The following SLC49A3 variants were observed in gnomAD, a reference collection of about 807,000 sequenced individuals.
SLC49A3 encodes solute carrier family 49 member 3, also known as solute carrier family 49 member A3.
SLC49A3 carries 50 observed loss-of-function variants against 43.8 expected under a neutral mutation model. That is an observed-to-expected ratio of 1.14 (90% CI 0.91 to 1.45). The LOEUF (loss-of-function observed/expected upper bound fraction) is 1.45, where lower values mean the gene tolerates loss of function less well. Ranked by LOEUF, SLC49A3 falls within the 40% of genes most tolerant of loss-of-function variation. The pLI, the probability that SLC49A3 is intolerant of heterozygous loss-of-function variation, is 0.00. For synonymous variants in SLC49A3, 413 were observed against 352.0 expected, an observed-to-expected ratio of 1.17 and a Z score of -1.94; for missense variants, 906 against 774.1, an observed-to-expected ratio of 1.17 and a Z score of -2.02.
At chr4:679,212 C>CAGAG (rs1739184717), downstream of SLC49A3, 1 of 720,442 alleles carries the variant, frequency 1.4e-6, no homozygotes, top group Middle Eastern at 3.5e-4. Flanking sequence ...TCAGAGCTGG[C>CAGAG]AGAGAGCATC....
chr4:677,821 G>C (rs1480876658), downstream of SLC49A3: 6 of 764,302 alleles, frequency 7.9e-6, no homozygotes, highest in Non-Finnish European at 1.1e-5. Flanking sequence ...TGGGGGCCTT[G>C]CGGGGTGAGG....
upstream of SLC49A3, among the ~76,000 whole-genome samples, chr4:690,927 T>A (rs1412351098): frequency 6.6e-6 from 1 of 152,244 alleles, no homozygotes; most frequent in Admixed American, 6.5e-5. Context: ...TCATAATTAC[T>A]CCAAGGAAAA....
At position 685,391 on chromosome 4, in the gene SLC49A3, C is replaced by T. The variant is rs1181730206; in HGVS notation, c.585+444G>A. 6.6e-6 allele frequency among the ~76,000 whole-genome samples: 1 copy of T among 151,980 alleles called. No individual in the cohort carries two copies. The highest frequency in any genetic ancestry group is 1.9e-4 in the East Asian group (1 of 5,180). On this transcript the variant is annotated intron_variant, in intron 4 of 9. Coordinates refer to ENST00000322224, the MANE Select transcript of SLC49A3 (RefSeq NM_032219.4). The surrounding 1 kb of genome is among the most constrained non-coding windows in gnomAD (Gnocchi z 4.3). ...ACACACCACACACACTCAATACACA[C>T]AGGCAGGCATAGAAACATCACACAC...
At position 688,963 on chromosome 4, in the gene SLC49A3, G is replaced by C. The variant is rs1374243906; in HGVS notation, c.135+30C>G. On this transcript the variant is annotated intron_variant, in intron 1 of 9. Transcript: ENST00000322224. ...GCTGGTCCGAGGGACTGAGGGTCCC[G>C]GAGCCACCTGTCCCCGCCCCTGCCC... is the stretch of plus-strand genomic sequence containing the variant. 8.2e-6 allele frequency: 13 copies of C among 1,578,998 alleles called. No homozygotes were observed. The Admixed American group carries it at 2.1e-4, about 26-fold the overall frequency.
Position 682,219 on chromosome 4 carries a change from T to C in SLC49A3, c.1419A>G (p.Arg473=). Residue 473 remains arginine (R), a synonymous_variant, in exon 10 of 10, where the codon CGA becomes CGG. Coordinates refer to ENST00000322224, the MANE Select transcript of SLC49A3 (RefSeq NM_032219.4). ...GGADSGPGVD[R]GGAGRAGVLG... ...GGACCCCAGCCCTTCCTGCTCCCCC[T>C]CGGTCCACACCCGGCCCTGAGTCTG... The C allele has an allele frequency of 7.3e-7, 1 of 1,375,074 alleles. No homozygotes were observed. The allele number at this position is 1,375,074 out of a possible 1,614,324, so 85.2% of individuals were successfully genotyped here.
Position 682,838 on chromosome 4 carries a change from G to T in SLC49A3, c.1204C>A (p.Arg402Ser), listed in dbSNP as rs771084917. 1 of 1,604,368 alleles carries T rather than the reference G, an allele frequency of 6.2e-7. No individual in the cohort carries two copies. Among genetic ancestry groups the T allele is most frequent in the Non-Finnish European group, 8.5e-7 (1 of 1,174,006 alleles). The change falls in exon 9 of 10, where the codon CGC becomes AGC. Residue 402 changes from arginine (R) to serine (S), a missense_variant. Arg to Ser is a moderately radical substitution (Grantham distance 110). Transcript: ENST00000322224. ...CAGGTGGACAAGGACGGCTCCGAGC[G>T]TCGCACAGTCAGTGCCGTCATTGCC... is the stretch of plus-strand genomic sequence containing the variant. ...MLAMTALTVR[R>S]SEPSLSTCQQ...
In SLC49A3 at chr4:682,380, G is replaced by C. The variant is rs748910149; in HGVS notation, c.1262-4C>G. 7.5e-7 allele frequency: 1 copy of C among 1,334,662 alleles called. No individual in the cohort carries two copies. Among genetic ancestry groups the C allele is most frequent in the East Asian group, 2.8e-5 (1 of 35,776 alleles). 82.7% of individuals were successfully genotyped at this position (1,334,662 alleles called of 1,614,324 possible). The stretch of plus-strand genomic sequence containing the variant: ...CCGGCCATCAGCAGCAGAGACACTG[G>C]GGACACATAGCACAGCTGTCCCCAC... On this transcript the variant is annotated splice_region_variant and splice_polypyrimidine_tract_variant and intron_variant, in intron 9 of 9. Coordinates refer to ENST00000322224, the MANE Select transcript of SLC49A3 (RefSeq NM_032219.4).
chr4:678,908 G>A (rs1739136606), downstream of SLC49A3: 1 of 1,610,740 alleles, frequency 6.2e-7, no homozygotes, highest in African/African-American at 1.3e-5. Context: ...AGGGGGCGGG[G>A]CAGAGCCCAG....
At chr4:678,805 G>A, downstream of SLC49A3, 1 of 1,608,690 alleles carries the variant, frequency 6.2e-7, no homozygotes, top group Non-Finnish European at 8.5e-7. Flanking sequence ...CCACCCCCAG[G>A]AGCCTGTGCT....
chr4:683,156 G>A (rs896310089), intron 8 of SLC49A3, 54 bp downstream of exon 8: 12 of 1,606,524 alleles, frequency 7.5e-6, no homozygotes, highest in Admixed American at 5.0e-5. Context: ...GGGGTGTAGG[G>A]GTGGAGCAAG....
Position 689,136 on chromosome 4 carries a change from G to C in SLC49A3, c.-9C>G. The C allele has an allele frequency of 7.4e-7, 1 of 1,355,676 alleles. No homozygotes were observed. The highest frequency in any genetic ancestry group is 1.5e-5 in the African/African-American group (1 of 65,214). The allele number at this position is 1,355,676 out of a possible 1,614,324, so 84.0% of individuals were successfully genotyped here. On this transcript the variant is annotated 5_prime_UTR_variant, in exon 1 of 10. Coordinates refer to ENST00000322224, the MANE Select transcript of SLC49A3 (RefSeq NM_032219.4). ...TCCGTCGGCCCCGCCATCGTCGGCG[G>C]CCTCCACGGGTCTCCGCCGGTCCCG...
downstream of SLC49A3, chr4:679,275 G>GTGATGGCCCTGGCCGCC: frequency 2.5e-6 from 1 of 400,046 alleles, no homozygotes; most frequent in Non-Finnish European, 4.1e-6. Flanking sequence ...CTCAGAGTGG[G>GTGATGGCCCTGGCCGCC]CTTTGAGGCA....
chr4:688,909 G>C, intron 1 of SLC49A3, 84 bp downstream of exon 1: 1 of 1,487,910 alleles, frequency 6.7e-7, no homozygotes, highest in Non-Finnish European at 8.9e-7. Flanking sequence ...CTGGCACCTC[G>C]GGCTGTGGCC....
downstream of SLC49A3, chr4:679,824 C>T (rs1315903777): frequency 9.4e-7 from 1 of 1,067,112 alleles, no homozygotes. Context: ...CCCTTCCCAT[C>T]TGCCTGCCTG....
Position 682,002 on chromosome 4 carries a change from C to T in SLC49A3, c.1636G>A (p.Ala546Thr), listed in dbSNP as rs143423821. 7.7e-6 allele frequency: 11 copies of T among 1,420,582 alleles called. No homozygotes were observed. The highest frequency in any genetic ancestry group is 1.5e-5 in the South Asian group (1 of 65,810). 88.0% of individuals were successfully genotyped at this position (1,420,582 alleles called of 1,614,324 possible). Residue 546 changes from alanine (A) to threonine (T), a missense_variant, in exon 10 of 10, where the codon GCT (alanine) becomes ACT (threonine). Coordinates refer to ENST00000322224, the MANE Select transcript of SLC49A3 (RefSeq NM_032219.4). ...RVQASRFIDP[A>T]GSHSSFSSPW... The stretch of plus-strand genomic sequence containing the variant: ...GAGGAGAAGGAGGAGTGAGACCCAG[C>T]CGGGTCAATAAACCTGGACGCTTGG...
downstream of SLC49A3, chr4:681,761 C>T (rs1443649837): frequency 1.7e-6 from 2 of 1,170,630 alleles, no homozygotes; most frequent in Non-Finnish European, 1.1e-6. Flanking sequence ...TCCAGCGCCG[C>T]CCTCACCCCG....
At position 681,933 on chromosome 4, in the gene SLC49A3, G is replaced by A. The variant is rs1205104128; in HGVS notation, c.*25C>T. The A allele has an allele frequency of 4.5e-6, 6 of 1,327,842 alleles. No homozygotes were observed. The highest frequency in any genetic ancestry group is 3.0e-5 in the African/African-American group (2 of 66,326). 82.3% of individuals were successfully genotyped at this position (1,327,842 alleles called of 1,614,324 possible). ...CAGTTCGCCTCCATCGATGTGGCGG[G>A]CAACCTGGACTACAAGGCGCTCAGC... is the stretch of plus-strand genomic sequence containing the variant. On this transcript the variant is annotated 3_prime_UTR_variant, in exon 10 of 10. Transcript: ENST00000322224.
At position 689,015 on chromosome 4, in the gene SLC49A3, A is replaced by T; in HGVS notation, c.113T>A (p.Leu38Gln). ...TACCGTGGCGTTGGAGCAGTTGAGC[A>T]GGCTGATCGCGAGCAGGAACACCCA... ...RRWVFLLAIS[L>Q]LNCSNATLWL... The change falls in exon 1 of 10, where the codon CTG becomes CAG. Residue 38 changes from leucine to glutamine, a missense_variant. By Grantham distance (113) the Leu-to-Gln change is moderately radical. Coordinates refer to ENST00000322224, the MANE Select transcript of SLC49A3 (RefSeq NM_032219.4). 1 of 1,595,674 alleles carries T rather than the reference A, an allele frequency of 6.3e-7. No individual in the cohort carries two copies. The highest frequency in any genetic ancestry group is 8.5e-7 in the Non-Finnish European group (1 of 1,173,050).
Position 684,745 on chromosome 4 carries a change from C to G in SLC49A3, c.697G>C (p.Glu233Gln). 3 of 1,611,864 alleles carry G rather than the reference C, an allele frequency of 1.9e-6. No homozygotes were observed. The highest frequency in any genetic ancestry group is 2.5e-6 in the Non-Finnish European group (3 of 1,179,646). ...PSAGAASSTSEKFLDGLKLLM... is the reference protein window; with the variant it reads ...PSAGAASSTSQKFLDGLKLLM... Reference sequence around the variant, plus strand: ...AGCTTGAGCCCATCCAGGAACTTCTCTGAGGTGGAGCTGGCAGCCCCGGCA... The same window carrying G: ...AGCTTGAGCCCATCCAGGAACTTCTGTGAGGTGGAGCTGGCAGCCCCGGCA... The change falls in exon 5 of 10, where the codon GAG becomes CAG. Residue 233 changes from glutamate to glutamine, a missense_variant. Physicochemically the swap from Glu to Gln is conservative, Grantham distance 29. Transcript: ENST00000322224.
Sources: gnomAD v4.1 joint callset for allele counts (sites outside exome capture counted in the v4.1 genomes callset) on GRCh38, gnomAD v4.1.1 for gene constraint, Gnocchi (gnomAD v3.1) non-coding constraint, MANE v1.5 for transcripts, NCBI Gene and HGNC (gene_info 2026-07-23, HGNC 2026-07-21) for gene names.